CATSPERB: variants seen among roughly 807,000 people sequenced by gnomAD.
CATSPERB encodes cation channel sperm-associated auxiliary subunit beta.
In CATSPERB, 93 loss-of-function variants were observed where a neutral mutation model predicts 128.3. The observed-to-expected ratio is 0.72, with a 90% confidence interval of 0.61 to 0.86. The LOEUF (loss-of-function observed/expected upper bound fraction) is 0.86, where lower values mean the gene tolerates loss of function less well. Ranked by LOEUF, CATSPERB falls within the 40% of genes least tolerant of loss-of-function variation. The probability of loss-of-function intolerance (pLI) is 0.00; values close to 1 mark genes in which losing one functional copy is unlikely to be tolerated. For missense variants in CATSPERB, 1,153 were observed against 1,329.5 expected (o/e 0.87, Z 2.06); for synonymous variants, 381 against 448.8 (o/e 0.85, Z 1.91).
chr14:91,707,575 C>CTTT (rs539712771), intron 6 of CATSPERB, among the ~76,000 whole-genome samples: 4 of 58,288 alleles, frequency 6.9e-5, no homozygotes, highest in Non-Finnish European at 6.1e-5. Context: ...TATGTACTTC[C>CTTT]TTTTTTTTTT....
rs547649333 is a variant in CATSPERB at position 91,694,438 on chromosome 14, C to CAAA, written c.617-962_617-960dup. On this transcript the variant is annotated intron_variant, in intron 7 of 26. Transcript: ENST00000256343. ...TGGGAGACAAAGAGAGACCCTATCT[C>CAAA]AAAAAAAAAAAAAAAAAAAAAAAAA... Among the ~76,000 whole-genome samples the CAAA allele has an allele frequency of 2.2e-3, 144 of 65,762 alleles. 8 individuals carry two copies. Among genetic ancestry groups the CAAA allele is most frequent in the African/African-American group, 7.2e-3 (125 of 17,316 alleles). 43.1% of individuals were successfully genotyped at this position (65,762 alleles called of 152,430 possible). A position where few individuals can be genotyped will look rare whatever the true frequency, so the allele number is the denominator to read the frequency against.
At chr14:91,723,291 G>A (rs1896065201) in intron 3 of CATSPERB, 102 bp from the exon 4 acceptor site, 1 of 765,872 alleles carries the variant, frequency 1.3e-6, no homozygotes, top group South Asian at 4.1e-5. Context: ...CTCTAGTTAG[G>A]AAAAAATATA....
intron 7 of CATSPERB, among the ~76,000 whole-genome samples, chr14:91,695,538 C>G (rs1390682087): frequency 1.3e-5 from 2 of 152,168 alleles, no homozygotes; most frequent in African/African-American, 4.8e-5. Context: ...AAAATAAACA[C>G]TTTATGCTGG....
Position 91,672,937 on chromosome 14 carries a change from A to G in CATSPERB, c.1058T>C (p.Ile353Thr), listed in dbSNP as rs1895124565. ...CLPHIFKGIK[I>T]FPTVLTFLVD... Reference sequence around the variant, plus strand: ...AAGAAATGTTAGCACAGTTGGAAAAATTTTTATTCCTTTAAAAATGTGAGG... The same window carrying G: ...AAGAAATGTTAGCACAGTTGGAAAAGTTTTTATTCCTTTAAAAATGTGAGG... Residue 353 changes from isoleucine to threonine, a missense_variant, in exon 13 of 27, where the codon ATT (isoleucine) becomes ACT (threonine). Coordinates refer to ENST00000256343, the MANE Select transcript of CATSPERB (RefSeq NM_024764.4). 6.2e-7 allele frequency: 1 copy of G among 1,603,592 alleles called. No individual in the cohort carries two copies.
chr14:91,676,871 A>C (rs1462733709), intron 11 of CATSPERB, among the ~76,000 whole-genome samples: 1 of 152,040 alleles, frequency 6.6e-6, no homozygotes, highest in African/African-American at 2.4e-5. Flanking sequence ...GTACCAAAAC[A>C]GACATCTAGA....
At chr14:91,624,706 T>C (rs1894122869) in intron 18 of CATSPERB, 114 bp downstream of exon 18, 2 of 731,768 alleles carry the variant, frequency 2.7e-6, no homozygotes, top group Admixed American at 3.7e-5. Flanking sequence ...AGGTTGCCAG[T>C]TGGACTAAAA....
rs1228293468 is a variant in CATSPERB, at chr14:91,580,894, C to T, written c.3346G>A (p.Glu1116Lys). Residue 1116 changes from glutamate to lysine, a missense_variant, in exon 27 of 27, where the codon GAG becomes AAG. Coordinates refer to ENST00000256343, the MANE Select transcript of CATSPERB (RefSeq NM_024764.4). ...SELIHRSKSE[E>K] ...AAATTATGATCACCATGTGTTCACT[C>T]TTCAGACTTTGATCTATGAATCAGC... is the stretch of plus-strand genomic sequence containing the variant. 1.2e-6 allele frequency: 2 copies of T among 1,613,402 alleles called. No individual in the cohort carries two copies. Among genetic ancestry groups the T allele is most frequent in the African/African-American group, 1.3e-5 (1 of 75,034 alleles).
chr14:91,603,313 T>A, intron 22 of CATSPERB: 1 of 1,537,546 alleles, frequency 6.5e-7, no homozygotes, highest in East Asian at 2.2e-5. Context: ...TTATAATCTG[T>A]ATCAGGAAAT....
intron 4 of CATSPERB, among the ~76,000 whole-genome samples, chr14:91,720,328 C>T (rs566299464): frequency 2.0e-5 from 3 of 150,908 alleles, no homozygotes; most frequent in Non-Finnish European, 3.0e-5. Flanking sequence ...CAAAACTATG[C>T]TTCAAAATTT....
At chr14:91,677,739 T>C (rs1298337674) in intron 11 of CATSPERB, among the ~76,000 whole-genome samples, 1 of 152,202 alleles carries the variant, frequency 6.6e-6, no homozygotes, top group African/African-American at 2.4e-5. Flanking sequence ...ATCATTCTAC[T>C]ATAAAGGCAC....
rs1476487355 is a variant in CATSPERB, at chr14:91,608,326, G to T, written c.2677C>A (p.Pro893Thr). 4.3e-6 allele frequency: 7 copies of T among 1,611,252 alleles called. No homozygotes were observed. In the South Asian group the frequency reaches 7.7e-5, roughly 18 times the overall value. The stretch of plus-strand genomic sequence containing the variant: ...ATGTGAAACATGTTTCTTGGTATGG[G>T]TTTGCTAGGATCTGCATGATAAAAA... ...DNFYHADPSK[P>T]IPRNMFHMSK... is the part of the protein sequence containing the mutation. The change falls in exon 22 of 27, where the codon CCC becomes ACC. Residue 893 changes from proline (P) to threonine (T), a missense_variant. Physicochemically the swap from Pro to Thr is conservative, Grantham distance 38 (BLOSUM62 -1). Transcript: ENST00000256343.
chr14:91,723,203 A>T lies in CATSPERB; in HGVS notation c.169-14T>A. 7.0e-7 allele frequency: 1 copy of T among 1,419,122 alleles called. No homozygotes were observed. Among genetic ancestry groups the T allele is most frequent in the South Asian group, 1.5e-5 (1 of 66,362 alleles). The allele number at this position is 1,419,122 out of a possible 1,614,324, so 87.9% of individuals were successfully genotyped here. Reference sequence around the variant, plus strand: ...ACACTGGATTTTCTTTAGGAAAGCAAGAAAAAAAAAAACAACTAATAACCA... The same window carrying T: ...ACACTGGATTTTCTTTAGGAAAGCATGAAAAAAAAAAACAACTAATAACCA... On this transcript the variant is annotated splice_polypyrimidine_tract_variant and intron_variant, in intron 3 of 26. Transcript: ENST00000256343.
intron 11 of CATSPERB, among the ~76,000 whole-genome samples, chr14:91,676,852 A>C (rs1895199876): frequency 1.3e-5 from 2 of 152,248 alleles, no homozygotes; most frequent in South Asian, 4.1e-4. Flanking sequence ...CCAATACAGC[A>C]TGGTACTGGT....
chr14:91,587,092 G>T, intron 26 of CATSPERB, 110 bp downstream of exon 26: 3 of 769,754 alleles, frequency 3.9e-6, no homozygotes, highest in Non-Finnish European at 6.3e-6. Context: ...TTTAAGCCTT[G>T]TCCATCACAC....
intron 16 of CATSPERB, among the ~76,000 whole-genome samples, chr14:91,637,547 G>T (rs1375694447): frequency 6.6e-6 from 1 of 152,206 alleles, no homozygotes; most frequent in Non-Finnish European, 1.5e-5. Flanking sequence ...TAAGAGCACA[G>T]GCCCCGGAGC....
chr14:91,596,364 C>T (rs916975339), intron 22 of CATSPERB, among the ~76,000 whole-genome samples: 6 of 151,942 alleles, frequency 3.9e-5, no homozygotes, highest in East Asian at 3.9e-4. Context: ...CCACCACGCC[C>T]GGCTAATTTT....
chr14:91,607,884 T>C (rs943057504), intron 22 of CATSPERB, among the ~76,000 whole-genome samples: 1 of 150,220 alleles, frequency 6.7e-6, no homozygotes, highest in African/African-American at 2.4e-5. Context: ...AGAGGCAGGG[T>C]GCTGCTGGGA....
At chr14:91,627,340 G>A (rs1894183799) in intron 17 of CATSPERB, among the ~76,000 whole-genome samples, 1 of 152,190 alleles carries the variant, frequency 6.6e-6, no homozygotes, top group Non-Finnish European at 1.5e-5. Flanking sequence ...GGGGAAGGGA[G>A]AAGAAACCTC....
chr14:91,597,649 T>C (rs1194651798), intron 22 of CATSPERB, among the ~76,000 whole-genome samples: 6 of 152,216 alleles, frequency 3.9e-5, no homozygotes, highest in Non-Finnish European at 8.8e-5. Flanking sequence ...CACAATCTCA[T>C]GTGCCCACCT....
Sources: gnomAD v4.1 joint callset for allele counts (sites outside exome capture counted in the v4.1 genomes callset) on GRCh38, gnomAD v4.1.1 for gene constraint, MANE v1.5 for transcripts, NCBI Gene and HGNC (gene_info 2026-07-23, HGNC 2026-07-21) for gene names.